Variants in CLDN10 observed in about 807,000 individuals in gnomAD.
CLDN10 encodes the protein claudin-10.
A neutral mutation model predicts 22.9 loss-of-function variants in CLDN10; 15 were observed. That is an observed-to-expected ratio of 0.65 (90% CI 0.44 to 1.01). The LOEUF (loss-of-function observed/expected upper bound fraction) is 1.01, where lower values mean the gene tolerates loss of function less well. CLDN10 is among the 50% of genes least tolerant of loss of function. The probability of loss-of-function intolerance (pLI) is 0.00; values close to 1 mark genes in which losing one functional copy is unlikely to be tolerated. For synonymous variants in CLDN10, 114 were observed against 111.4 expected (o/e 1.02, Z -0.15); for missense variants, 247 against 287.8 (o/e 0.86, Z 1.03).
chr13:95,465,029 G>C (rs1235157680), intron 1 of CLDN10, among the ~76,000 whole-genome samples: 1 of 152,134 alleles, frequency 6.6e-6, no homozygotes, highest in Non-Finnish European at 1.5e-5. Flanking sequence ...TTTTCACACT[G>C]CTGATAAAGG....
intron 1 of CLDN10, among the ~76,000 whole-genome samples, chr13:95,507,872 C>T (rs865982616): frequency 1.3e-4 from 20 of 152,224 alleles, no homozygotes; most frequent in African/African-American, 4.3e-4. Flanking sequence ...ATCCACCTGC[C>T]TCGGCCTCCC....
chr13:95,507,571 A>G (rs754221679), intron 1 of CLDN10, among the ~76,000 whole-genome samples: 2 of 151,934 alleles, frequency 1.3e-5, no homozygotes, highest in Non-Finnish European at 2.9e-5. Flanking sequence ...AGGATCACTT[A>G]AGCCCAGGAG....
chr13:95,476,845 A>C (rs896041877), intron 1 of CLDN10, among the ~76,000 whole-genome samples: 1 of 152,186 alleles, frequency 6.6e-6, no homozygotes, highest in African/African-American at 2.4e-5. Context: ...TGGCAGAGCC[A>C]GGTCTCCAAG....
intron 1 of CLDN10, among the ~76,000 whole-genome samples, chr13:95,495,367 G>C (rs2042917705): frequency 6.6e-6 from 1 of 151,350 alleles, no homozygotes; most frequent in Admixed American, 6.6e-5. Flanking sequence ...ATATTTATTG[G>C]GTATTACCAG....
intron 1 of CLDN10, among the ~76,000 whole-genome samples, chr13:95,512,655 C>G (rs560889745): frequency 6.6e-6 from 1 of 152,186 alleles, no homozygotes; most frequent in Non-Finnish European, 1.5e-5. Context: ...GTCCCCCAGT[C>G]ACCTGGTACT....
At chr13:95,461,318 C>G (rs775027110) in intron 1 of CLDN10, among the ~76,000 whole-genome samples, 32 of 152,174 alleles carry the variant, frequency 2.1e-4, no homozygotes, top group Non-Finnish European at 3.5e-4. Context: ...TACTTCTACT[C>G]CACCCCATTC....
At chr13:95,517,559 A>AT (rs1476623014) in intron 1 of CLDN10, among the ~76,000 whole-genome samples, 1 of 152,084 alleles carries the variant, frequency 6.6e-6, no homozygotes, top group Non-Finnish European at 1.5e-5. Context: ...GTCAATGATG[A>AT]TTGTATCTTG....
intron 1 of CLDN10, among the ~76,000 whole-genome samples, chr13:95,445,613 G>C (rs541873451): frequency 6.6e-6 from 1 of 152,192 alleles, no homozygotes; most frequent in Admixed American, 6.5e-5. Context: ...TGGTCCCAAC[G>C]TAACCTCTAG....
At chr13:95,577,852 T>C (rs770100598) in intron 4 of CLDN10, 48 bp from the exon 5 acceptor site, 1 of 1,220,102 alleles carries the variant, frequency 8.2e-7, no homozygotes, top group Non-Finnish European at 1.2e-6. Flanking sequence ...CATTTTTGTT[T>C]GCCCTATGTG....
At chr13:95,442,680 T>C (rs1020247242) in intron 1 of CLDN10, among the ~76,000 whole-genome samples, 5 of 152,232 alleles carry the variant, frequency 3.3e-5, no homozygotes, top group Non-Finnish European at 7.3e-5. Flanking sequence ...AGCAAATGTT[T>C]ACTTGAGTAT....
At chr13:95,486,942 A>G (rs992241674) in intron 1 of CLDN10, among the ~76,000 whole-genome samples, 1 of 152,186 alleles carries the variant, frequency 6.6e-6, no homozygotes, top group African/African-American at 2.4e-5. Flanking sequence ...TGGAGAAAAG[A>G]GGTGAAAAGT....
At position 95,526,073 on chromosome 13, in the gene CLDN10, C is replaced by T. The variant is rs1011014624; in HGVS notation, c.215-34059C>T. 2.6e-5 allele frequency among the ~76,000 whole-genome samples: 4 copies of T among 152,264 alleles called. No homozygotes were observed. The South Asian group carries it at 6.2e-4, about 24-fold the overall frequency. The stretch of plus-strand genomic sequence containing the variant: ...ATATTGTTAACTTTGTCTTCTAAAC[C>T]TTCCATTGTGTTTTTATCTCAACTA... On this transcript the variant is annotated intron_variant, in intron 1 of 4. Coordinates refer to the CLDN10 transcript ENST00000376873.
intron 1 of CLDN10, among the ~76,000 whole-genome samples, chr13:95,463,507 A>AT (rs2042557552): frequency 6.7e-6 from 1 of 148,718 alleles, no homozygotes; most frequent in African/African-American, 2.5e-5. Flanking sequence ...TAATTTTTGT[A>AT]TTTTTTGTAG....
intron 1 of CLDN10, among the ~76,000 whole-genome samples, chr13:95,525,692 A>G (rs2043273350): frequency 6.6e-6 from 1 of 152,018 alleles, no homozygotes; most frequent in South Asian, 2.1e-4. Context: ...AGGTTTTGCC[A>G]TATTGGCCAA....
intron 1 of CLDN10, among the ~76,000 whole-genome samples, chr13:95,513,537 T>A (rs1361749213): frequency 4.2e-5 from 6 of 144,008 alleles, no homozygotes; most frequent in Admixed American, 2.7e-4. Flanking sequence ...ACATCCTCTC[T>A]CCTTCTTGGC....
intron 1 of CLDN10, among the ~76,000 whole-genome samples, chr13:95,524,760 T>C (rs146986077): frequency 0.01 from 1,536 of 152,308 alleles, 25 homozygotes; most frequent in African/African-American, 0.035. Flanking sequence ...GGCTGCATCA[T>C]TTTACATTTT....
intron 1 of CLDN10, among the ~76,000 whole-genome samples, chr13:95,440,920 G>A (rs2042318456): frequency 6.6e-6 from 1 of 152,216 alleles, no homozygotes; most frequent in Admixed American, 6.5e-5. Context: ...CGACTGGACT[G>A]GGGATCCTAA....
chr13:95,529,509 C>A (rs147358211), intron 1 of CLDN10, among the ~76,000 whole-genome samples: 2 of 152,076 alleles, frequency 1.3e-5, no homozygotes, highest in Non-Finnish European at 2.9e-5. Context: ...AACTTCAGTC[C>A]TTTGCAGTAG....
At chr13:95,459,067 C>T (rs939172837) in intron 1 of CLDN10, among the ~76,000 whole-genome samples, 1 of 152,164 alleles carries the variant, frequency 6.6e-6, no homozygotes, top group Non-Finnish European at 1.5e-5. Flanking sequence ...AAAATATCTC[C>T]TTTGACGCCA....
Sources: gnomAD v4.1 joint callset for allele counts (sites outside exome capture counted in the v4.1 genomes callset) on GRCh38, gnomAD v4.1.1 for gene constraint, MANE v1.5 for transcripts, NCBI Gene and HGNC (gene_info 2026-07-23, HGNC 2026-07-21) for gene names.